NCAM2: variants seen among roughly 807,000 people sequenced by gnomAD.
The protein encoded by NCAM2 is neural cell adhesion molecule 2.
A neutral mutation model predicts 98.1 loss-of-function variants in NCAM2; 30 were observed. The ratio of observed to expected loss-of-function variants is 0.31; its 90% CI spans 0.23 to 0.41. NCAM2 has a LOEUF of 0.41. Among genes scored for constraint, NCAM2 ranks in the 10% least tolerant of loss-of-function variants. The probability of loss-of-function intolerance (pLI) is 1.00; values close to 1 mark genes in which losing one functional copy is unlikely to be tolerated. For synonymous variants in NCAM2, 368 were observed against 342.4 expected (o/e 1.07, Z -0.83); for missense variants, 867 against 1,005.8 (o/e 0.86, Z 1.87).
intron 1 of NCAM2, among the ~76,000 whole-genome samples, chr21:21,184,640 T>C (rs1601591981): frequency 6.6e-6 from 1 of 152,150 alleles, no homozygotes; most frequent in African/African-American, 2.4e-5. Flanking sequence ...AAAATCAGGA[T>C]GGTTATTTAT....
At chr21:21,125,537 T>TATGTAATATATA (rs1555887634) in intron 1 of NCAM2, among the ~76,000 whole-genome samples, 197 of 12,144 alleles carry the variant, frequency 0.016, 8 homozygotes, top group South Asian at 0.14. Context: ...ATATATAAAA[T>TATGTAATATATA]ATATATTACA....
intron 5 of NCAM2, among the ~76,000 whole-genome samples, chr21:21,322,141 A>G (rs1338900739): frequency 6.6e-6 from 1 of 152,168 alleles, no homozygotes; most frequent in African/African-American, 2.4e-5. Flanking sequence ...CAAACAAACA[A>G]ACATGAAATC....
At chr21:21,290,091 A>G (rs563531261) in intron 4 of NCAM2, 13 of 152,074 alleles carry the variant, frequency 8.5e-5, no homozygotes, top group Admixed American at 2.0e-4. Context: ...TCCTTTGGCA[A>G]CTAGTTCCAT....
At chr21:21,327,693 G>A (rs2074556752) in intron 6 of NCAM2, among the ~76,000 whole-genome samples, 1 of 152,054 alleles carries the variant, frequency 6.6e-6, no homozygotes. Context: ...TGGGATTAAG[G>A]CCTCACTCTT....
chr21:21,423,699 A>G (rs1288977064), intron 11 of NCAM2, among the ~76,000 whole-genome samples: 1 of 152,078 alleles, frequency 6.6e-6, no homozygotes, highest in Non-Finnish European at 1.5e-5. Flanking sequence ...TCAGGACTCT[A>G]TACTTACCCC....
chr21:21,296,936 G>A (rs1291522565), intron 5 of NCAM2, among the ~76,000 whole-genome samples: 3 of 151,574 alleles, frequency 2.0e-5, no homozygotes, highest in Non-Finnish European at 4.4e-5. Flanking sequence ...AGACATTATG[G>A]TAGATGATAC....
At chr21:21,446,736 A>T (rs73324881) in intron 12 of NCAM2, among the ~76,000 whole-genome samples, 9,072 of 152,128 alleles carry the variant, frequency 0.06, 371 homozygotes, top group African/African-American at 0.11. Context: ...GAAAAGTCAC[A>T]TATATTCCTT....
intron 9 of NCAM2, among the ~76,000 whole-genome samples, chr21:21,377,471 T>C (rs747820375): frequency 2.6e-5 from 4 of 151,932 alleles, no homozygotes; most frequent in Non-Finnish European, 4.4e-5. Context: ...GAAATGTACT[T>C]ATTTACTTTT....
intron 1 of NCAM2, among the ~76,000 whole-genome samples, chr21:21,157,075 A>G (rs933326199): frequency 6.6e-6 from 1 of 151,928 alleles, no homozygotes; most frequent in African/African-American, 2.4e-5. Flanking sequence ...TTTTTCTAAT[A>G]GACTGTGTAA....
At chr21:21,265,351 T>C (rs1196819447) in intron 1 of NCAM2, among the ~76,000 whole-genome samples, 1 of 116,450 alleles carries the variant, frequency 8.6e-6, no homozygotes, top group Non-Finnish European at 1.7e-5. Flanking sequence ...TGTATGTATG[T>C]ATATATTATA....
At chr21:21,480,777 T>G (rs1985805845) in intron 15 of NCAM2, among the ~76,000 whole-genome samples, 2 of 152,360 alleles carry the variant, frequency 1.3e-5, no homozygotes, top group East Asian at 3.9e-4. Flanking sequence ...AAAAATTTCC[T>G]GACACATTAT....
intron 16 of NCAM2, among the ~76,000 whole-genome samples, chr21:21,524,038 CCACA>C (rs35446366): frequency 1.2e-3 from 179 of 148,542 alleles, no homozygotes; most frequent in African/African-American, 3.8e-3. Flanking sequence ...CAGATATTGT[CCACA>C]CACACACACA....
intron 15 of NCAM2, among the ~76,000 whole-genome samples, chr21:21,485,886 C>G (rs1453153785): frequency 6.6e-6 from 1 of 152,134 alleles, no homozygotes; most frequent in Non-Finnish European, 1.5e-5. Flanking sequence ...GGCTAGGCCT[C>G]TCTTTCATAG....
intron 8 of NCAM2, among the ~76,000 whole-genome samples, chr21:21,368,136 A>G (rs574208619): frequency 6.6e-6 from 1 of 152,054 alleles, no homozygotes; most frequent in Non-Finnish European, 1.5e-5. Flanking sequence ...GACTTTATAC[A>G]TGTATTAAAA....
intron 1 of NCAM2, among the ~76,000 whole-genome samples, chr21:21,027,716 C>T (rs942883322): frequency 1.1e-4 from 16 of 152,160 alleles, no homozygotes; most frequent in Non-Finnish European, 2.4e-4. Flanking sequence ...GTCATTTGAT[C>T]CTTCTACACT....
At chr21:21,359,571 C>A (rs998583576) in intron 8 of NCAM2, among the ~76,000 whole-genome samples, 1 of 151,596 alleles carries the variant, frequency 6.6e-6, no homozygotes. Context: ...AAAAAACTGT[C>A]GTCAGTTTTA....
At chr21:21,472,317 GC>G (rs1984543345) in intron 14 of NCAM2, among the ~76,000 whole-genome samples, 1 of 151,946 alleles carries the variant, frequency 6.6e-6, no homozygotes, top group African/African-American at 2.4e-5. Context: ...TATCTCAATG[GC>G]CATAGGATAA....
intron 15 of NCAM2, among the ~76,000 whole-genome samples, chr21:21,502,518 T>A (rs1454128121): frequency 6.6e-6 from 1 of 151,976 alleles, no homozygotes; most frequent in Non-Finnish European, 1.5e-5. Context: ...GGGGATTTTT[T>A]AATCTTCTTT....
rs33912324 is a variant in NCAM2 at position 21,262,658 on chromosome 21, C to CAAAAA, written c.56-17904_56-17900dup. On this transcript the variant is annotated intron_variant, in intron 1 of 17. Coordinates refer to ENST00000400546, the MANE Select transcript of NCAM2 (RefSeq NM_004540.5). ...GGAAGACCTAGCCAGAACAATCAGTCAAAAAAAAAAAAAAAAAAAAGATGT... is the reference window on the plus strand; with the variant it reads ...GGAAGACCTAGCCAGAACAATCAGTCAAAAAAAAAAAAAAAAAAAAAAAAAGATGT... Among the ~76,000 whole-genome samples the CAAAAA allele has an allele frequency of 6.5e-3, 515 of 78,710 alleles. 20 individuals are homozygous for CAAAAA. In the East Asian group the frequency reaches 0.098, roughly 15 times the overall value. 51.6% of individuals were successfully genotyped at this position (78,710 alleles called of 152,430 possible).
Sources: allele counts gnomAD v4.1 joint callset (sites outside exome capture counted in the v4.1 genomes callset), GRCh38; gene constraint gnomAD v4.1.1; transcripts MANE v1.5; gene names NCBI Gene and HGNC (gene_info 2026-07-23, HGNC 2026-07-21).